Variants in RIC3 observed in about 807,000 individuals in gnomAD.
RIC3 encodes the protein protein RIC-3.
In RIC3, 28 loss-of-function variants were observed where a neutral mutation model predicts 27.3. The ratio of observed to expected loss-of-function variants is 1.02; its 90% CI spans 0.76 to 1.41. RIC3 has a LOEUF of 1.41. RIC3 is among the 40% of genes most tolerant of loss of function. The pLI is 0.00. For missense variants in RIC3, 501 were observed against 444.7 expected, an observed-to-expected ratio of 1.13 and a Z score of -1.14; for synonymous variants, 184 against 160.4, an observed-to-expected ratio of 1.15 and a Z score of -1.11.
At chr11:8,140,970 C>G (rs1467784429) in intron 1 of RIC3, among the ~76,000 whole-genome samples, 3 of 149,354 alleles carry the variant, frequency 2.0e-5, no homozygotes, top group African/African-American at 5.0e-5. Flanking sequence ...ACTTTACAGA[C>G]AAGCAAATGC....
chr11:8,163,197 A>G (rs1235825870), intron 1 of RIC3, among the ~76,000 whole-genome samples: 1 of 152,000 alleles, frequency 6.6e-6, no homozygotes, highest in African/African-American at 2.4e-5. Context: ...TCATCTCATA[A>G]TCATCTCAAC....
chr11:8,168,422 A>C (rs1317029431), intron 1 of RIC3, among the ~76,000 whole-genome samples: 1 of 152,216 alleles, frequency 6.6e-6, no homozygotes, highest in Admixed American at 6.5e-5. Context: ...TAACGACTTA[A>C]GGTTTGCTGT....
In RIC3 at chr11:8,110,745, A is replaced by C; in HGVS notation, c.1063T>G (p.Tyr355Asp). 6.2e-7 allele frequency: 1 copy of C among 1,614,192 alleles called. No homozygotes were observed. The highest frequency in any genetic ancestry group is 8.5e-7 in the Non-Finnish European group (1 of 1,180,028). Residue 355 changes from tyrosine (Y) to aspartate (D), a missense_variant, in exon 6 of 6, where the codon TAT becomes GAT. Tyr to Asp is a radical substitution (Grantham distance 160). Transcript: ENST00000309737. Reference protein sequence around the residue: ...EGLGISTDKAYTGSMLRKRNP... With the variant: ...EGLGISTDKADTGSMLRKRNP... Reference sequence around the variant, plus strand: ...CGCTTCCTCAGCATGCTGCCTGTATATGCTTTATCGGTGCTGATGCCCAAC... The same window carrying C: ...CGCTTCCTCAGCATGCTGCCTGTATCTGCTTTATCGGTGCTGATGCCCAAC...
intron 4 of RIC3, among the ~76,000 whole-genome samples, chr11:8,136,263 G>C (rs537971140): frequency 1.3e-5 from 2 of 152,312 alleles, no homozygotes; most frequent in Admixed American, 6.5e-5. Context: ...CAGCGTACTA[G>C]TACTATAAAG....
chr11:8,143,586 G>C (rs1463193522), intron 1 of RIC3, among the ~76,000 whole-genome samples: 4 of 152,102 alleles, frequency 2.6e-5, no homozygotes, highest in African/African-American at 7.2e-5. Context: ...TCAGTATCGT[G>C]AAAATGGCCA....
rs183831069 is a variant in RIC3, at chr11:8,135,044, T to C, written c.521+2334A>G. ...GGTTTTGTTGCCATTGCTTTTGGTGTCTTAGACATGAAGTCCTTGTCCACG... is the reference window on the plus strand; with the variant it reads ...GGTTTTGTTGCCATTGCTTTTGGTGCCTTAGACATGAAGTCCTTGTCCACG... On this transcript the variant is annotated intron_variant, in intron 4 of 5. Coordinates refer to ENST00000309737, the MANE Select transcript of RIC3 (RefSeq NM_001206671.4). Among the ~76,000 whole-genome samples, 103 of 152,354 alleles carry C rather than the reference T, an allele frequency of 6.8e-4. 1 individual carries two copies. Among genetic ancestry groups the C allele is most frequent in the Non-Finnish European group, 1.8e-4 (12 of 68,028 alleles).
the RIC3 span, chr11:8,094,074 G>A: frequency 6.2e-7 from 1 of 1,614,196 alleles, no homozygotes; most frequent in Non-Finnish European, 8.5e-7. Context: ...TCGCCAGTGT[G>A]CAGCTGGGAG....
At chr11:8,093,708 T>C in the RIC3 span, among the ~76,000 whole-genome samples, 1 of 152,216 alleles carries the variant, frequency 6.6e-6, no homozygotes, top group Non-Finnish European at 1.5e-5. Context: ...CCATATCCTC[T>C]CAGACATTCT....
rs188373352 is a variant in RIC3, at chr11:8,122,290, C to G, written c.670+4369G>C. 5.6e-3 allele frequency among the ~76,000 whole-genome samples: 849 copies of G among 152,188 alleles called. 4 individuals are homozygous for G. Among genetic ancestry groups the G allele is most frequent in the Non-Finnish European group, 7.5e-3 (512 of 68,020 alleles). On this transcript the variant is annotated intron_variant, in intron 5 of 5. Coordinates refer to ENST00000309737, the MANE Select transcript of RIC3 (RefSeq NM_001206671.4). Reference sequence around the variant, plus strand: ...AACTCCTAGCAACAACTAATCAGTCCTCTATTTCTATAATATTGCCACGTC... The same window carrying G: ...AACTCCTAGCAACAACTAATCAGTCGTCTATTTCTATAATATTGCCACGTC...
the RIC3 span, chr11:8,100,751 C>T: frequency 1.3e-6 from 2 of 1,588,054 alleles, no homozygotes; most frequent in Non-Finnish European, 1.7e-6. Flanking sequence ...ACCCCCATTC[C>T]CGGGATAGAT....
the RIC3 span, among the ~76,000 whole-genome samples, chr11:8,098,171 G>T: frequency 5.3e-5 from 8 of 152,088 alleles, no homozygotes; most frequent in Admixed American, 2.6e-4. Flanking sequence ...CTGAGAGTGA[G>T]CTCTTGAGGG....
At chr11:8,101,833 G>C, downstream of RIC3, 1 of 711,144 alleles carries the variant, frequency 1.4e-6, no homozygotes, top group Non-Finnish European at 2.2e-6. Flanking sequence ...TGGGTGTGAA[G>C]GGATGAGAAT....
At chr11:8,160,765 TA>T (rs1452777995) in intron 1 of RIC3, among the ~76,000 whole-genome samples, 3 of 152,220 alleles carry the variant, frequency 2.0e-5, no homozygotes, top group Non-Finnish European at 4.4e-5. Flanking sequence ...TTTGCAGTTC[TA>T]AGAGCCTCTT....
chr11:8,105,120 G>A (rs1455358029), downstream of RIC3: 2 of 152,144 alleles, frequency 1.3e-5, no homozygotes, highest in Non-Finnish European at 2.9e-5. Flanking sequence ...GCTCTGTTAT[G>A]CAAGCACAAA....
In RIC3 at chr11:8,140,301, GA is replaced by G; in HGVS notation, c.125-109del. 2 of 965,260 alleles carry G rather than the reference GA, an allele frequency of 2.1e-6. 1 individual carries two copies. Among genetic ancestry groups the G allele is most frequent in the Non-Finnish European group, 3.0e-6 (2 of 664,124 alleles). 59.8% of individuals were successfully genotyped at this position (965,260 alleles called of 1,614,324 possible). On this transcript the variant is annotated intron_variant, in intron 1 of 5. Transcript: ENST00000309737. ...AAGAGGCCAACACAAACAAGTAGAA[GA>G]AAAAAATGGCAACTTAATTAAAAGG...
chr11:8,147,909 G>C (rs1014599733), intron 1 of RIC3, among the ~76,000 whole-genome samples: 2 of 152,012 alleles, frequency 1.3e-5, no homozygotes, highest in African/African-American at 4.8e-5. Context: ...TGTGTTTTTA[G>C]TAGAAATGGG....
chr11:8,160,119 T>C (rs1273525040), intron 1 of RIC3, among the ~76,000 whole-genome samples: 1 of 152,236 alleles, frequency 6.6e-6, no homozygotes, highest in African/African-American at 2.4e-5. Flanking sequence ...ATTGACTTTT[T>C]AGGTGTGACA....
chr11:8,095,466 G>A, the RIC3 span: 1 of 1,581,212 alleles, frequency 6.3e-7, no homozygotes, highest in Non-Finnish European at 8.6e-7. Flanking sequence ...TCCTCCTCCT[G>A]GATGTAACTC....
At position 8,168,906 on chromosome 11, in the gene RIC3, C is replaced by G; in HGVS notation, c.84G>C (p.Leu28=). ...GCGGCTCCTGCCGCTTCCCGCGGGA[C>G]AGGAAGGCCTTGGGCAGCAGCAGCG... ...ALSLLLPKAF[L]SRGKRQEPPP... The change falls in exon 1 of 6, where the codon CTG becomes CTC. Residue 28 remains leucine, a synonymous_variant. Transcript: ENST00000309737. 6.2e-7 allele frequency: 1 copy of G among 1,612,104 alleles called. No homozygotes were observed. The highest frequency in any genetic ancestry group is 1.1e-5 in the South Asian group (1 of 90,976).
Sources: allele counts gnomAD v4.1 joint callset (sites outside exome capture counted in the v4.1 genomes callset), GRCh38; gene constraint gnomAD v4.1.1; transcripts MANE v1.5; gene names NCBI Gene and HGNC (gene_info 2026-07-23, HGNC 2026-07-21).